The following SHISA9 variants were observed in gnomAD, a reference collection of about 807,000 sequenced individuals.
SHISA9 encodes shisa family member 9.
In SHISA9, 13 loss-of-function variants were observed where a neutral mutation model predicts 38.0. The ratio of observed to expected loss-of-function variants is 0.34; its 90% CI spans 0.22 to 0.54. SHISA9 has a LOEUF of 0.54. Among genes scored for constraint, SHISA9 ranks in the 20% least tolerant of loss-of-function variants. SHISA9 has a pLI of 0.91. For missense variants in SHISA9, 538 were observed against 575.8 expected, an observed-to-expected ratio of 0.93 and a Z score of 0.67; for synonymous variants, 275 against 242.0, an observed-to-expected ratio of 1.14 and a Z score of -1.27.
chr16:12,944,894 C>A (rs1394434446), intron 2 of SHISA9, among the ~76,000 whole-genome samples: 1 of 152,088 alleles, frequency 6.6e-6, no homozygotes, highest in African/African-American at 2.4e-5. Context: ...GTTAGGTGAG[C>A]ATAAGTGAGA....
intron 2 of SHISA9, among the ~76,000 whole-genome samples, chr16:13,077,897 A>C (rs1270606153): frequency 6.6e-6 from 1 of 152,196 alleles, no homozygotes; most frequent in East Asian, 1.9e-4. Flanking sequence ...CTTTGTTTTG[A>C]TTGCCTATGA....
At chr16:12,913,984 A>C (rs1210125545) in intron 1 of SHISA9, among the ~76,000 whole-genome samples, 1 of 150,806 alleles carries the variant, frequency 6.6e-6, no homozygotes, top group Non-Finnish European at 1.5e-5. Context: ...TCTCTTGATC[A>C]CATTACTCTT....
At chr16:13,052,945 C>G (rs2073268635) in intron 2 of SHISA9, among the ~76,000 whole-genome samples, 1 of 149,004 alleles carries the variant, frequency 6.7e-6, no homozygotes, top group African/African-American at 2.5e-5. Flanking sequence ...TTTAGGATCC[C>G]CTTTCCTTCC....
chr16:12,902,027 G>A lies in SHISA9; in HGVS notation c.-38G>A. 1 of 1,422,066 alleles carries A rather than the reference G, an allele frequency of 7.0e-7. No homozygotes were observed. Among genetic ancestry groups the A allele is most frequent in the South Asian group, 1.4e-5 (1 of 69,510 alleles). The allele number at this position is 1,422,066 out of a possible 1,614,324, so 88.1% of individuals were successfully genotyped here. A position where few individuals can be genotyped will look rare whatever the true frequency, so the allele number is the denominator to read the frequency against. ...TCGAGAGGCGGCCGCAGAGGCTCCA[G>A]CGGCGGCCGAGCGGCCGAGCCCGGG... On this transcript the variant is annotated 5_prime_UTR_variant, in exon 1 of 5. Coordinates refer to ENST00000558583, the MANE Select transcript of SHISA9 (RefSeq NM_001145204.3).
At chr16:13,167,475 T>G (rs933100187) in intron 2 of SHISA9, among the ~76,000 whole-genome samples, 8 of 152,326 alleles carry the variant, frequency 5.3e-5, no homozygotes, top group African/African-American at 1.9e-4. Context: ...TTCTGGTAAC[T>G]CCTTGACGTG....
chr16:13,263,482 G>A, the SHISA9 span, among the ~76,000 whole-genome samples: 3 of 152,118 alleles, frequency 2.0e-5, no homozygotes, highest in South Asian at 4.2e-4. Context: ...AATTCCTCTT[G>A]CATTGGCCAT....
chr16:13,293,236 A>G, the SHISA9 span, among the ~76,000 whole-genome samples: 1 of 152,316 alleles, frequency 6.6e-6, no homozygotes, highest in East Asian at 1.9e-4. Context: ...CCCACAACAC[A>G]CGCACGCGCG....
At chr16:13,479,760 G>A in the SHISA9 span, among the ~76,000 whole-genome samples, 6 of 152,130 alleles carry the variant, frequency 3.9e-5, no homozygotes, top group Non-Finnish European at 8.8e-5. Flanking sequence ...CCATGCCATC[G>A]CAATACAATT....
chr16:13,382,152 C>T, the SHISA9 span, among the ~76,000 whole-genome samples: 2 of 152,110 alleles, frequency 1.3e-5, no homozygotes, highest in African/African-American at 2.4e-5. Flanking sequence ...TGTCAAAATA[C>T]GCTTTCATTT....
chr16:13,403,736 T>G, the SHISA9 span, among the ~76,000 whole-genome samples: 1 of 152,204 alleles, frequency 6.6e-6, no homozygotes, highest in African/African-American at 2.4e-5. Context: ...GAGTGACGCC[T>G]TTCTAATTCA....
the SHISA9 span, among the ~76,000 whole-genome samples, chr16:13,366,929 G>C: frequency 6.8e-6 from 1 of 147,532 alleles, no homozygotes; most frequent in Non-Finnish European, 1.5e-5. Context: ...GTTGCAGTGA[G>C]CTGAGATCTC....
At chr16:13,418,653 A>G in the SHISA9 span, among the ~76,000 whole-genome samples, 1 of 152,200 alleles carries the variant, frequency 6.6e-6, no homozygotes, top group African/African-American at 2.4e-5. Context: ...GATGTGGGGC[A>G]AACTGGGATG....
chr16:13,357,635 T>A, the SHISA9 span, among the ~76,000 whole-genome samples: 2 of 152,166 alleles, frequency 1.3e-5, no homozygotes, highest in African/African-American at 4.8e-5. Flanking sequence ...CATGGCTGTT[T>A]ATTTCACCTG....
intron 2 of SHISA9, among the ~76,000 whole-genome samples, chr16:13,159,763 G>A (rs751149836): frequency 2.0e-5 from 3 of 152,212 alleles, no homozygotes; most frequent in Non-Finnish European, 2.9e-5. Context: ...CTCTAAGGCC[G>A]AGGTTCAAGT....
intron 2 of SHISA9, among the ~76,000 whole-genome samples, chr16:12,986,528 G>C (rs1163663940): frequency 2.6e-5 from 4 of 152,158 alleles, no homozygotes; most frequent in Non-Finnish European, 5.9e-5. Context: ...GGTGGTAAAG[G>C]GAATTCAGGT....
the SHISA9 span, among the ~76,000 whole-genome samples, chr16:13,424,105 G>A: frequency 6.6e-6 from 1 of 152,306 alleles, no homozygotes; most frequent in East Asian, 1.9e-4. Flanking sequence ...ACAGTCCCAA[G>A]AGAGGGGATT....
At chr16:13,121,567 A>G (rs1255119488) in intron 2 of SHISA9, among the ~76,000 whole-genome samples, 5 of 152,174 alleles carry the variant, frequency 3.3e-5, no homozygotes, top group African/African-American at 1.2e-4. Flanking sequence ...AACTGAAAAT[A>G]TAAACATTAA....
At chr16:13,011,821 T>G (rs2072680052) in intron 2 of SHISA9, among the ~76,000 whole-genome samples, 1 of 145,786 alleles carries the variant, frequency 6.9e-6, no homozygotes, top group Non-Finnish European at 1.5e-5. Flanking sequence ...GTGCCTGGCC[T>G]TTGACTTTTT....
chr16:13,448,341 C>T, the SHISA9 span, among the ~76,000 whole-genome samples: 7 of 152,296 alleles, frequency 4.6e-5, no homozygotes, highest in Admixed American at 3.9e-4. Context: ...AGGCCATTAT[C>T]GAGTCTGACC....
Sources: allele counts gnomAD v4.1 joint callset (sites outside exome capture counted in the v4.1 genomes callset), GRCh38; gene constraint gnomAD v4.1.1; transcripts MANE v1.5; gene names NCBI Gene and HGNC (gene_info 2026-07-23, HGNC 2026-07-21).